Variants in HPD observed in about 807,000 individuals in gnomAD.
HPD encodes the protein 4-hydroxyphenylpyruvate dioxygenase.
In HPD, 35 loss-of-function variants were observed where a neutral mutation model predicts 56.9. That is an observed-to-expected ratio of 0.62 (90% CI 0.47 to 0.82). HPD has a LOEUF of 0.82. Ranked by LOEUF, HPD falls within the 40% of genes least tolerant of loss-of-function variation. The pLI is 0.00. For synonymous variants in HPD, 186 were observed against 200.2 expected (o/e 0.93, Z 0.60); for missense variants, 442 against 506.8 (o/e 0.87, Z 1.23).
At chr12:121,871,350 G>A in the HPD span, among the ~76,000 whole-genome samples, 1 of 144,512 alleles carries the variant, frequency 6.9e-6, no homozygotes, top group Non-Finnish European at 1.5e-5. Context: ...GGGTGACAGA[G>A]TGAGACCCTG....
chr12:121,858,935 G>C, upstream of HPD: 1 of 1,312,682 alleles, frequency 7.6e-7, no homozygotes, highest in Non-Finnish European at 1.1e-6. Flanking sequence ...CTGGGGGATG[G>C]GGTGGGGAGC....
Position 121,843,772 on chromosome 12 carries a change from G to GT in HPD, c.891dup (p.Gln298ThrfsTer18). On this transcript the variant is annotated frameshift_variant, in exon 12 of 14. Coordinates refer to ENST00000289004, the MANE Select transcript of HPD (RefSeq NM_002150.3). LOFTEE classifies it high-confidence loss of function. ...GCCGTCTTCAGCTTCTCCCGCAGTT[G>GT]TTTGTAGTACGTGGAGGGAACAGAT... 1 of 1,614,108 alleles carries GT rather than the reference G, an allele frequency of 6.2e-7. No homozygotes were observed.
chr12:121,846,978 C>T (rs372468414), intron 10 of HPD, 45 bp from the exon 11 acceptor site: 2 of 1,613,212 alleles, frequency 1.2e-6, no homozygotes, highest in Admixed American at 1.7e-5. Flanking sequence ...GCCCCATCAC[C>T]CACATCCCTG....
chr12:121,874,515 G>A, the HPD span, among the ~76,000 whole-genome samples: 15 of 151,912 alleles, frequency 9.9e-5, no homozygotes, highest in African/African-American at 3.4e-4. Context: ...CTACTTGGGA[G>A]GCTGAGGCAG....
the HPD span, among the ~76,000 whole-genome samples, chr12:121,879,275 CTAAA>C: frequency 6.7e-6 from 1 of 148,930 alleles, no homozygotes; most frequent in African/African-American, 2.5e-5. Context: ...GAAAATCTGT[CTAAA>C]TAAATAAATA....
chr12:121,856,679 G>T, intron 4 of HPD, 54 bp from the exon 5 acceptor site: 1 of 1,556,414 alleles, frequency 6.4e-7, no homozygotes, highest in Non-Finnish European at 8.9e-7. Context: ...GCATGGGGAG[G>T]TGCACCCATC....
the HPD span, among the ~76,000 whole-genome samples, chr12:121,877,444 G>A: frequency 4.6e-5 from 7 of 151,850 alleles, no homozygotes; most frequent in African/African-American, 1.7e-4. Context: ...GAGAAGAGCT[G>A]GGTGAGGTTG....
chr12:121,856,745 T>C, intron 4 of HPD, 120 bp from the exon 5 acceptor site: 1 of 912,324 alleles, frequency 1.1e-6, no homozygotes. Context: ...CTCCTGGACC[T>C]GGGTTCTAGC....
the HPD span, among the ~76,000 whole-genome samples, chr12:121,870,367 G>A: frequency 2.6e-5 from 4 of 151,918 alleles, no homozygotes; most frequent in South Asian, 8.3e-4. Flanking sequence ...TACTAGCTAG[G>A]TGTGGTGGCG....
At chr12:121,872,479 C>T in the HPD span, among the ~76,000 whole-genome samples, 1 of 152,040 alleles carries the variant, frequency 6.6e-6, no homozygotes, top group South Asian at 2.1e-4. Context: ...GATCCACCTG[C>T]CTCAGCCTCC....
At chr12:121,858,023 C>A (rs771472908) in intron 2 of HPD, among the ~76,000 whole-genome samples, 1 of 150,308 alleles carries the variant, frequency 6.7e-6, no homozygotes, top group Non-Finnish European at 1.5e-5. Flanking sequence ...GATGGGGAAA[C>A]CCCCTCAGGA....
chr12:121,870,824 G>C, the HPD span, among the ~76,000 whole-genome samples: 1 of 151,848 alleles, frequency 6.6e-6, no homozygotes, highest in Non-Finnish European at 1.5e-5. Flanking sequence ...GTGAACTCCC[G>C]ACCTCAGTTG....
upstream of HPD, among the ~76,000 whole-genome samples, chr12:121,865,945 C>T (rs920404755): frequency 1.3e-5 from 2 of 151,988 alleles, no homozygotes; most frequent in Non-Finnish European, 2.9e-5. Context: ...CTAGATTGAG[C>T]CACTGCACTC....
rs202129288 is a variant in HPD, at chr12:121,849,003, C to T, written c.592G>A (p.Glu198Lys). The T allele has an allele frequency of 5.0e-6, 8 of 1,612,662 alleles. No homozygotes were observed. Among genetic ancestry groups the T allele is most frequent in the African/African-American group, 4.0e-5 (3 of 74,952 alleles). Residue 198 changes from glutamate (E) to lysine (K), a missense_variant, in exon 9 of 14, where the codon GAA becomes AAA. Transcript: ENST00000289004. ...GGGAGAGGGCCAAGGTCTCACCATT[C>T]GGAGGCGGACACCATCTCCTGATCA... ...QPDQEMVSAS[E>K]WYLKNLQFHR...
In HPD at chr12:121,857,830, A is replaced by T; in HGVS notation, c.31-11T>A. On this transcript the variant is annotated splice_polypyrimidine_tract_variant and intron_variant, in intron 2 of 13. Transcript: ENST00000289004. ...TCGGCCTCTCTCAGGCTGCAGAAGGAGAGAAGAGGTGAGGTTGAGTCCCTG... is the reference window on the plus strand; with the variant it reads ...TCGGCCTCTCTCAGGCTGCAGAAGGTGAGAAGAGGTGAGGTTGAGTCCCTG... 1 of 1,612,518 alleles carries T rather than the reference A, an allele frequency of 6.2e-7. No individual in the cohort carries two copies. The highest frequency in any genetic ancestry group is 8.5e-7 in the Non-Finnish European group (1 of 1,178,586).
At position 121,846,913 on chromosome 12, in the gene HPD, C is replaced by T. The variant is rs1374155721; in HGVS notation, c.780G>A (p.Gly260=). 11 of 1,613,944 alleles carry T rather than the reference C, an allele frequency of 6.8e-6. No homozygotes were observed. The highest frequency in any genetic ancestry group is 1.6e-4 in the Middle Eastern group (1 of 6,084). The change falls in exon 11 of 14, where the codon GGG becomes GGA. Residue 260 remains glycine, a synonymous_variant. Transcript: ENST00000289004. The stretch of plus-strand genomic sequence containing the variant: ...GAGCGATGTGCTGGACCCCAGCGCC[C>T]CCGTTATAGTCCACATATTCCTGGG... The part of the protein sequence containing the change: ...SQIQEYVDYN[G]GAGVQHIALK...
chr12:121,856,425 G>C lies in HPD; in HGVS notation c.242-19C>G. On this transcript the variant is annotated intron_variant, in intron 5 of 13. Transcript: ENST00000289004. ...CCCATCTCTGTGGCCGGCAGGGAGA[G>C]GATGGCACTGGAGTCTGGAGTCTAG... The C allele has an allele frequency of 6.2e-7, 1 of 1,611,864 alleles. No homozygotes were observed. The highest frequency in any genetic ancestry group is 8.5e-7 in the Non-Finnish European group (1 of 1,177,958).
chr12:121,852,659 G>A (rs1410564997), intron 7 of HPD, among the ~76,000 whole-genome samples: 1 of 107,244 alleles, frequency 9.3e-6, no homozygotes, highest in Non-Finnish European at 1.7e-5. Context: ...TTTTGAGAGG[G>A]AGTCTTGTTC....
At chr12:121,869,717 G>T in the HPD span, among the ~76,000 whole-genome samples, 1 of 152,026 alleles carries the variant, frequency 6.6e-6, no homozygotes, top group Non-Finnish European at 1.5e-5. Context: ...TAGAGACAGG[G>T]TTTCACCATG....
Sources: allele counts gnomAD v4.1 joint callset (sites outside exome capture counted in the v4.1 genomes callset), GRCh38; gene constraint gnomAD v4.1.1; transcripts MANE v1.5; gene names NCBI Gene and HGNC (gene_info 2026-07-23, HGNC 2026-07-21).